RBFOX1: variants seen among roughly 807,000 people sequenced by gnomAD.
The protein encoded by RBFOX1 is RNA binding protein fox-1 homolog 1.
In RBFOX1, 8 loss-of-function variants were observed where a neutral mutation model predicts 57.7. That is an observed-to-expected ratio of 0.14 (90% confidence interval 0.08 to 0.25). The LOEUF is 0.25. RBFOX1 is among the 10% of genes least tolerant of loss of function. The probability of loss-of-function intolerance (pLI) is 1.00; values close to 1 mark genes in which losing one functional copy is unlikely to be tolerated. For synonymous variants in RBFOX1, 326 were observed against 222.4 expected, an observed-to-expected ratio of 1.47 and a Z score of -4.15; for missense variants, 611 against 548.5, an observed-to-expected ratio of 1.11 and a Z score of -1.14.
At chr16:6,504,205 G>C (rs2096023759) in intron 2 of RBFOX1, among the ~76,000 whole-genome samples, 2 of 152,166 alleles carry the variant, frequency 1.3e-5, no homozygotes, top group East Asian at 1.9e-4. Context: ...AAGCCTGCAT[G>C]ATAGAGCTAG....
At chr16:7,329,912 A>T (rs1054640543) in intron 4 of RBFOX1, among the ~76,000 whole-genome samples, 1 of 152,204 alleles carries the variant, frequency 6.6e-6, no homozygotes, top group Admixed American at 6.5e-5. Context: ...AGATTCTTTT[A>T]TATATAAGCA....
intron 4 of RBFOX1, among the ~76,000 whole-genome samples, chr16:7,086,693 A>G (rs985655306): frequency 5.5e-5 from 8 of 146,116 alleles, no homozygotes; most frequent in African/African-American, 1.8e-4. Context: ...TAGGTCTGCG[A>G]TTGCAAAGAG....
chr16:7,201,385 G>A (rs1024374810), intron 4 of RBFOX1, among the ~76,000 whole-genome samples: 1 of 152,142 alleles, frequency 6.6e-6, no homozygotes. Flanking sequence ...AAGAAGTGGG[G>A]ATTCTATTCT....
intron 2 of RBFOX1, among the ~76,000 whole-genome samples, chr16:6,513,863 G>A (rs1482088039): frequency 6.6e-6 from 1 of 152,180 alleles, no homozygotes; most frequent in African/African-American, 2.4e-5. Context: ...TTTGGACTAG[G>A]ACGCATAATC....
chr16:7,524,433 T>C (rs192418110), intron 5 of RBFOX1, among the ~76,000 whole-genome samples: 13 of 152,328 alleles, frequency 8.5e-5, no homozygotes, highest in African/African-American at 2.4e-4. Context: ...ATCACATTGC[T>C]GACAGAGCCA....
chr16:5,747,309 C>T (rs1213780024), intron 3 of RBFOX1, among the ~76,000 whole-genome samples: 2 of 152,160 alleles, frequency 1.3e-5, no homozygotes, highest in Admixed American at 1.3e-4. Flanking sequence ...AGGATTTTTA[C>T]ATCAATGTTC....
At chr16:5,498,426 C>T (rs1287239377) in intron 2 of RBFOX1, among the ~76,000 whole-genome samples, 2 of 152,010 alleles carry the variant, frequency 1.3e-5, no homozygotes, top group Non-Finnish European at 2.9e-5. Flanking sequence ...TTACAGGCGT[C>T]TAAGAACAAA....
intron 5 of RBFOX1, among the ~76,000 whole-genome samples, chr16:7,533,897 G>T (rs549878468): frequency 7.9e-5 from 12 of 152,094 alleles, no homozygotes; most frequent in Non-Finnish European, 1.8e-4. Flanking sequence ...AATGGTGTTG[G>T]GCAATATATT....
chr16:5,920,609 G>A (rs951614526), intron 4 of RBFOX1, among the ~76,000 whole-genome samples: 11 of 152,164 alleles, frequency 7.2e-5, no homozygotes, highest in Non-Finnish European at 1.3e-4. Flanking sequence ...CTGGGCAGAG[G>A]AGGAAGCACC....
chr16:5,601,985 C>T (rs560329545), downstream of RBFOX1, among the ~76,000 whole-genome samples: 3 of 152,274 alleles, frequency 2.0e-5, no homozygotes, highest in East Asian at 3.9e-4. Flanking sequence ...CTGCTGGTTT[C>T]TCCTCTGGAG....
chr16:7,128,122 C>A (rs1323702180), intron 4 of RBFOX1, among the ~76,000 whole-genome samples: 2 of 152,186 alleles, frequency 1.3e-5, no homozygotes, highest in East Asian at 3.9e-4. Flanking sequence ...ATGAAATGGA[C>A]AGCCCTGGTG....
At chr16:5,753,316 A>G (rs1242568111) in intron 3 of RBFOX1, among the ~76,000 whole-genome samples, 1 of 152,192 alleles carries the variant, frequency 6.6e-6, no homozygotes, top group Admixed American at 6.5e-5. Context: ...AAAAATCCTC[A>G]TAGGTATAAA....
chr16:5,663,271 C>G (rs1339732819), intron 3 of RBFOX1, among the ~76,000 whole-genome samples: 1 of 152,080 alleles, frequency 6.6e-6, no homozygotes, highest in African/African-American at 2.4e-5. Flanking sequence ...AGTGCAGTGG[C>G]ACGAACATGG....
intron 3 of RBFOX1, among the ~76,000 whole-genome samples, chr16:6,931,917 G>A (rs112053606): frequency 2.2e-4 from 34 of 152,260 alleles, no homozygotes; most frequent in Non-Finnish European, 3.1e-4. Flanking sequence ...GGGAGGAGGC[G>A]AGGAGTAAGC....
intron 4 of RBFOX1, among the ~76,000 whole-genome samples, chr16:7,397,072 A>T (rs2148660812): frequency 6.6e-6 from 1 of 152,366 alleles, no homozygotes; most frequent in Admixed American, 6.5e-5. Flanking sequence ...AAGAAAACTT[A>T]GCACATGAAA....
At chr16:5,290,478 G>A (rs1480204427) in intron 1 of RBFOX1, among the ~76,000 whole-genome samples, 2 of 152,134 alleles carry the variant, frequency 1.3e-5, no homozygotes, top group Non-Finnish European at 2.9e-5. Context: ...TGGTTGCCGA[G>A]CTCTGTGAAT....
intron 2 of RBFOX1, among the ~76,000 whole-genome samples, chr16:6,492,103 A>G (rs1193741946): frequency 7.3e-6 from 1 of 136,322 alleles, no homozygotes; most frequent in Middle Eastern, 3.5e-3. Flanking sequence ...AAACATAAAT[A>G]GCAAGTATAT....
chr16:6,576,285 C>G (rs2097434848), intron 2 of RBFOX1, among the ~76,000 whole-genome samples: 1 of 152,288 alleles, frequency 6.6e-6, no homozygotes, highest in East Asian at 1.9e-4. Flanking sequence ...CACACACTCA[C>G]TCATGCTGAG....
intron 4 of RBFOX1, among the ~76,000 whole-genome samples, chr16:7,212,088 T>A (rs1455954475): frequency 5.9e-5 from 9 of 152,092 alleles, no homozygotes; most frequent in Non-Finnish European, 2.9e-5. Flanking sequence ...GATTAGTGGA[T>A]GATCAGCGGT....
Sources: allele counts gnomAD v4.1 joint callset (sites outside exome capture counted in the v4.1 genomes callset), GRCh38; gene constraint gnomAD v4.1.1; transcripts MANE v1.5; gene names NCBI Gene and HGNC (gene_info 2026-07-23, HGNC 2026-07-21).